Variants in KRT28 observed in about 807,000 individuals in gnomAD.
KRT28 encodes the protein keratin 28.
A neutral mutation model predicts 48.1 loss-of-function variants in KRT28; 45 were observed. The observed-to-expected ratio is 0.94, with a 90% CI of 0.74 to 1.20. The LOEUF (loss-of-function observed/expected upper bound fraction) is 1.20, where lower values mean the gene tolerates loss of function less well. Ranked by LOEUF, KRT28 falls within the 50% of genes most tolerant of loss-of-function variation. The pLI is 0.00. For synonymous variants in KRT28, 228 were observed against 227.4 expected (o/e 1.00, Z -0.03); for missense variants, 571 against 574.1 (o/e 0.99, Z 0.06).
chr17:40,795,497 T>C (rs1479126615), intron 5 of KRT28, among the ~76,000 whole-genome samples: 1 of 152,126 alleles, frequency 6.6e-6, no homozygotes, highest in Non-Finnish European at 1.5e-5. Flanking sequence ...TGAACATTTG[T>C]GTATTTAGAC....
At chr17:40,796,869 G>A in intron 5 of KRT28, 47 bp downstream of exon 5, 1 of 1,529,694 alleles carries the variant, frequency 6.5e-7, no homozygotes, top group South Asian at 1.3e-5. Flanking sequence ...GTTTCTCGGA[G>A]GCTTTCTAGA....
chr17:40,796,274 G>C (rs1028288398), intron 5 of KRT28, among the ~76,000 whole-genome samples: 3 of 152,200 alleles, frequency 2.0e-5, no homozygotes, highest in Admixed American at 1.3e-4. Flanking sequence ...CACTCTAGAA[G>C]GGAAGCCATT....
At chr17:40,794,250 A>G (rs1904560762) in intron 5 of KRT28, among the ~76,000 whole-genome samples, 1 of 152,180 alleles carries the variant, frequency 6.6e-6, no homozygotes, top group Admixed American at 6.5e-5. Flanking sequence ...ACCCGGGATA[A>G]ATGGCCCTTT....
At chr17:40,795,220 G>C (rs1558283) in intron 5 of KRT28, among the ~76,000 whole-genome samples, 105,372 of 152,102 alleles carry the variant, frequency 0.69, 37,791 homozygotes, top group African/African-American at 0.89. Flanking sequence ...TCCAGGAGCA[G>C]GTAAGTGGAA....
intron 5 of KRT28, among the ~76,000 whole-genome samples, chr17:40,794,665 T>C (rs1904571916): frequency 1.3e-5 from 2 of 152,238 alleles, no homozygotes. Flanking sequence ...ATGAATATCA[T>C]ACTTCCTCTT....
chr17:40,795,729 T>C (rs927570059), intron 5 of KRT28, among the ~76,000 whole-genome samples: 3 of 152,200 alleles, frequency 2.0e-5, no homozygotes, highest in African/African-American at 7.2e-5. Flanking sequence ...ATAACATCCT[T>C]GTTTCTATGT....
intron 3 of KRT28, 29 bp from the exon 4 acceptor site, chr17:40,797,310 G>A (rs1179182331): frequency 6.3e-7 from 1 of 1,598,846 alleles, no homozygotes; most frequent in South Asian, 1.1e-5. Flanking sequence ...GTGGCTTTAG[G>A]GGCATTGCAG....
chr17:40,798,482 G>A, intron 2 of KRT28, 91 bp from the exon 3 acceptor site: 3 of 1,376,924 alleles, frequency 2.2e-6, no homozygotes, highest in Non-Finnish European at 3.0e-6. Flanking sequence ...CTGAAAATTA[G>A]AAATTGAATT....
At chr17:40,798,089 G>A in intron 3 of KRT28, 146 bp downstream of exon 3, 1 of 659,100 alleles carries the variant, frequency 1.5e-6, no homozygotes, top group Non-Finnish European at 2.6e-6. Context: ...CTCGTAGTAG[G>A]TAGTATTATT....
At chr17:40,795,747 C>T (rs374539130) in intron 5 of KRT28, among the ~76,000 whole-genome samples, 37 of 152,198 alleles carry the variant, frequency 2.4e-4, no homozygotes, top group African/African-American at 8.4e-4. Context: ...TGTGAAAATG[C>T]TCACAATTCT....
chr17:40,798,435 C>T (rs9914044), intron 2 of KRT28, 44 bp from the exon 3 acceptor site: 1,059,399 of 1,563,468 alleles, frequency 0.68, 363,862 homozygotes, highest in African/African-American at 0.9. Flanking sequence ...TAAGACTACC[C>T]CAAGAAACAG....
At position 40,792,505 on chromosome 17, in the gene KRT28, A is replaced by C; in HGVS notation, c.1317T>G (p.Leu439=). 6.2e-7 allele frequency: 1 copy of C among 1,613,568 alleles called. No homozygotes were observed. Among genetic ancestry groups the C allele is most frequent in the Non-Finnish European group, 8.5e-7 (1 of 1,179,718 alleles). The change falls in exon 8 of 8, where the codon CTT becomes CTG. Residue 439 remains leucine (L), a synonymous_variant. Coordinates refer to ENST00000306658, the MANE Select transcript of KRT28 (RefSeq NM_181535.3). ...CTTCAATGGAGTGAATCCTTGATGA[A>C]AGAACTTTACCACGTTGATCTAGCT... is the stretch of plus-strand genomic sequence containing the variant. ...VEELDQRGKV[L]SSRIHSIEEK... is the part of the protein sequence containing the mutation.
chr17:40,796,970 C>G lies in KRT28; in HGVS notation c.924G>C (p.Glu308Asp), dbSNP rs769083178. Residue 308 changes from glutamate (E) to aspartate (D), a missense_variant, in exon 5 of 8, where the codon GAG becomes GAC. Glu to Asp is a conservative substitution (Grantham distance 45). Coordinates refer to ENST00000306658, the MANE Select transcript of KRT28 (RefSeq NM_181535.3). ...AATFARSQLTEMRRTLQTLEI... is the reference protein window; with the variant it reads ...AATFARSQLTDMRRTLQTLEI... ...CCAGGGTCTGCAGGGTGCGCCTCAT[C>G]TCGGTGAGCTGGCTCCGGGCGAAAG... 6.8e-6 allele frequency: 11 copies of G among 1,612,880 alleles called. No homozygotes were observed. Among genetic ancestry groups the G allele is most frequent in the Non-Finnish European group, 9.3e-6 (11 of 1,179,810 alleles).
chr17:40,792,196 A>G lies in KRT28; in HGVS notation c.*231T>C. On this transcript the variant is annotated 3_prime_UTR_variant, in exon 8 of 8. Transcript: ENST00000306658. ...TGTTTCTCTATGAATGAGACATAGA[A>G]AAAAATCACAAATAGTTATTTATTA... The G allele has an allele frequency of 2.7e-6, 1 of 368,688 alleles. No homozygotes were observed. 22.8% of individuals were successfully genotyped at this position (368,688 alleles called of 1,614,324 possible). A position where few individuals can be genotyped will look rare whatever the true frequency, so the allele number is the denominator to read the frequency against.
chr17:40,792,368 T>C lies in KRT28; in HGVS notation c.*59A>G, dbSNP rs1206783946. ...AAGTGTGTATATTCTCTCTGATATT[T>C]AGAATAATGCAATTGTACAGGATCC... On this transcript the variant is annotated 3_prime_UTR_variant, in exon 8 of 8. Coordinates refer to ENST00000306658, the MANE Select transcript of KRT28 (RefSeq NM_181535.3). 32 of 1,382,208 alleles carry C rather than the reference T, an allele frequency of 2.3e-5. No individual in the cohort carries two copies. Among genetic ancestry groups the C allele is most frequent in the Non-Finnish European group, 3.1e-5 (31 of 1,008,544 alleles). 85.6% of individuals were successfully genotyped at this position (1,382,208 alleles called of 1,614,324 possible). A position where few individuals can be genotyped will look rare whatever the true frequency, so the allele number is the denominator to read the frequency against.
intron 7 of KRT28, 82 bp from the exon 8 acceptor site, chr17:40,792,651 A>G: frequency 9.6e-7 from 1 of 1,041,144 alleles, no homozygotes; most frequent in South Asian, 1.7e-5. Context: ...ATAATATATT[A>G]TGCATATTTT....
intron 3 of KRT28, among the ~76,000 whole-genome samples, chr17:40,797,622 G>A (rs939745078): frequency 2.6e-5 from 4 of 152,070 alleles, no homozygotes; most frequent in South Asian, 4.2e-4. Flanking sequence ...GGTGGTGTGC[G>A]CCTGTAGTCC....
chr17:40,797,693 G>C (rs1178213389), intron 3 of KRT28, among the ~76,000 whole-genome samples: 2 of 152,122 alleles, frequency 1.3e-5, no homozygotes, highest in African/African-American at 2.4e-5. Context: ...AGGTTGCAGT[G>C]AGCTGAGATT....
At position 40,798,988 on chromosome 17, in the gene KRT28, G is replaced by A; in HGVS notation, c.462C>T (p.Ser154=). The A allele has an allele frequency of 4.4e-6, 7 of 1,598,246 alleles. No individual in the cohort carries two copies. The highest frequency in any genetic ancestry group is 6.0e-6 in the Non-Finnish European group (7 of 1,169,298). The change falls in exon 2 of 8, where the codon TCC becomes TCT. Residue 154 remains serine (S), a synonymous_variant. Coordinates refer to ENST00000306658, the MANE Select transcript of KRT28 (RefSeq NM_181535.3). ...GAATGACATTAGCATTAGTAGTAGTGGAGGAGATAATCTAGAATAAACCAA... is the reference window on the plus strand; with the variant it reads ...GAATGACATTAGCATTAGTAGTAGTAGAGGAGATAATCTAGAATAAACCAA... ...IEDLKNKIIS[S]TTTNANVILQ...
Sources: gnomAD v4.1 joint callset for allele counts (sites outside exome capture counted in the v4.1 genomes callset) on GRCh38, gnomAD v4.1.1 for gene constraint, MANE v1.5 for transcripts, NCBI Gene and HGNC (gene_info 2026-07-23, HGNC 2026-07-21) for gene names.